The following GRIK4 variants were observed in gnomAD, a reference collection of about 807,000 sequenced individuals.
GRIK4 encodes the protein glutamate receptor ionotropic, kainate 4.
A neutral mutation model predicts 104.9 loss-of-function variants in GRIK4; 40 were observed. That is an observed-to-expected ratio of 0.38 (90% CI 0.30 to 0.50). The LOEUF is 0.50. GRIK4 is among the 20% of genes least tolerant of loss of function. The pLI is 0.93. For missense variants in GRIK4, 1,047 were observed against 1,308.1 expected (o/e 0.80, Z 3.08); for synonymous variants, 485 against 524.9 (o/e 0.92, Z 1.04).
chr11:120,663,425 C>T (rs143762595), intron 3 of GRIK4, among the ~76,000 whole-genome samples: 19 of 152,324 alleles, frequency 1.2e-4, no homozygotes, highest in African/African-American at 4.3e-4. Context: ...GTGCTCTCTT[C>T]TCCATGCACC....
At chr11:120,689,653 C>T (rs1950326773) in intron 3 of GRIK4, among the ~76,000 whole-genome samples, 1 of 152,148 alleles carries the variant, frequency 6.6e-6, no homozygotes, top group Admixed American at 6.5e-5. Context: ...CTACCCTTTA[C>T]CTCAGACCCA....
chr11:120,595,831 C>T (rs765175830), intron 1 of GRIK4, among the ~76,000 whole-genome samples: 27 of 152,074 alleles, frequency 1.8e-4, no homozygotes, highest in Non-Finnish European at 3.7e-4. Context: ...CTGTAGGCCC[C>T]TGATTGCTTT....
At chr11:120,740,196 C>T (rs1951302513) in intron 3 of GRIK4, among the ~76,000 whole-genome samples, 1 of 152,194 alleles carries the variant, frequency 6.6e-6, no homozygotes, top group African/African-American at 2.4e-5. Context: ...AATAAAATGC[C>T]TGAGCCTGGC....
chr11:120,926,959 A>G (rs1179109784), intron 13 of GRIK4, among the ~76,000 whole-genome samples: 1 of 152,230 alleles, frequency 6.6e-6, no homozygotes, highest in Non-Finnish European at 1.5e-5. Flanking sequence ...GGAAGGCTGC[A>G]TTGATGGCAT....
chr11:120,547,019 G>A (rs764037037), intron 1 of GRIK4, among the ~76,000 whole-genome samples: 8 of 152,216 alleles, frequency 5.3e-5, no homozygotes, highest in Non-Finnish European at 7.3e-5. Flanking sequence ...AGAGCTCCAC[G>A]TACCTCCCCG....
At chr11:120,584,713 G>C (rs1948636103) in intron 1 of GRIK4, among the ~76,000 whole-genome samples, 1 of 152,206 alleles carries the variant, frequency 6.6e-6, no homozygotes, top group African/African-American at 2.4e-5. Context: ...TGTATCAGTG[G>C]CTCATTAGTT....
chr11:120,624,367 C>T (rs947381106), intron 1 of GRIK4, among the ~76,000 whole-genome samples: 2 of 151,972 alleles, frequency 1.3e-5, no homozygotes, highest in Admixed American at 1.3e-4. Context: ...ATTGGTGCCC[C>T]CTCCCTGTAA....
intron 1 of GRIK4, among the ~76,000 whole-genome samples, chr11:120,648,904 T>TCTA (rs1025136637): frequency 6.6e-6 from 1 of 152,114 alleles, no homozygotes; most frequent in African/African-American, 2.4e-5. Context: ...GAAAAGCAAG[T>TCTA]CTACTTCCTT....
intron 8 of GRIK4, among the ~76,000 whole-genome samples, chr11:120,856,164 C>T (rs973001704): frequency 6.6e-5 from 10 of 152,248 alleles, no homozygotes; most frequent in Non-Finnish European, 1.5e-4. Context: ...TGCTCTTACC[C>T]GCACTTTACA....
chr11:120,546,421 G>A (rs1317847107), intron 1 of GRIK4, among the ~76,000 whole-genome samples: 3 of 152,128 alleles, frequency 2.0e-5, no homozygotes, highest in Admixed American at 6.5e-5. Flanking sequence ...TCAAGGGACC[G>A]CGCCTGCCTG....
At chr11:120,829,130 C>T (rs532343580) in intron 6 of GRIK4, among the ~76,000 whole-genome samples, 2 of 152,276 alleles carry the variant, frequency 1.3e-5, no homozygotes, top group South Asian at 4.2e-4. Context: ...GGGAGGTTGC[C>T]TTTGCCACCC....
At chr11:120,867,001 G>A in intron 9 of GRIK4, among the ~76,000 whole-genome samples, 1 of 152,126 alleles carries the variant, frequency 6.6e-6, no homozygotes, top group East Asian at 1.9e-4. Flanking sequence ...TGGGGAAACT[G>A]AGGCACGGAC....
At chr11:120,677,205 C>T (rs1424256679) in intron 3 of GRIK4, among the ~76,000 whole-genome samples, 1 of 152,176 alleles carries the variant, frequency 6.6e-6, no homozygotes, top group Admixed American at 6.5e-5. Flanking sequence ...AGTAATCTCG[C>T]CACTCCTAAC....
At chr11:120,596,033 G>T (rs1383101758) in intron 1 of GRIK4, among the ~76,000 whole-genome samples, 1 of 152,122 alleles carries the variant, frequency 6.6e-6, no homozygotes, top group African/African-American at 2.4e-5. Context: ...TTTTAGTAGA[G>T]ACGGTGTTTC....
intron 19 of GRIK4, among the ~76,000 whole-genome samples, chr11:120,971,290 T>A (rs1374787351): frequency 6.6e-6 from 1 of 152,220 alleles, no homozygotes; most frequent in African/African-American, 2.4e-5. Context: ...GGACTGTGTC[T>A]TATTAATTTT....
intron 3 of GRIK4, among the ~76,000 whole-genome samples, chr11:120,668,101 GGATAGATAGATAGATAGATAGATAGATA>G (rs60323501): frequency 1.4e-5 from 2 of 144,092 alleles, no homozygotes; most frequent in Admixed American, 1.4e-4. Flanking sequence ...ATAGATAGAT[GGATAGATAGATAGATAGATAGATAGATA>G]GATAGATAGA....
chr11:120,925,494 T>TAAC (rs1943324287), intron 13 of GRIK4, among the ~76,000 whole-genome samples: 1 of 152,158 alleles, frequency 6.6e-6, no homozygotes, highest in Non-Finnish European at 1.5e-5. Flanking sequence ...TGTGGACCAG[T>TAAC]TAGCTTTGCC....
intron 1 of GRIK4, among the ~76,000 whole-genome samples, chr11:120,530,818 G>A (rs952374581): frequency 1.1e-4 from 16 of 152,162 alleles, no homozygotes; most frequent in Non-Finnish European, 2.9e-5. Context: ...TTCAGAGCTG[G>A]ATGGCATTTT....
In GRIK4 at chr11:120,553,007, GAA is replaced by G. The variant is rs112138794; in HGVS notation, c.-159+41135_-159+41136del. Among the ~76,000 whole-genome samples the G allele has an allele frequency of 0.013, 1,213 of 96,744 alleles. 57 individuals are homozygous for G. The East Asian group carries it at 0.18, about 15-fold the overall frequency. The allele number at this position is 96,744 out of a possible 152,430, so 63.5% of individuals were successfully genotyped here. On this transcript the variant is annotated intron_variant, in intron 1 of 20. Transcript: ENST00000527524. ...AGAGTGAGACTCCGTCTCAAAAAAA[GAA>G]AAAAAAAAAAAAAAGAAGGGAGGAA...
Sources: gnomAD v4.1 joint callset for allele counts (sites outside exome capture counted in the v4.1 genomes callset) on GRCh38, gnomAD v4.1.1 for gene constraint, MANE v1.5 for transcripts, NCBI Gene and HGNC (gene_info 2026-07-23, HGNC 2026-07-21) for gene names.